TREH: variants seen among roughly 807,000 people sequenced by gnomAD.
The protein encoded by TREH is trehalase, also known as alpha,alpha-trehalose glucohydrolase.
A neutral mutation model predicts 80.5 loss-of-function variants in TREH; 69 were observed. The observed-to-expected ratio is 0.86, with a 90% CI of 0.71 to 1.05. TREH has a LOEUF of 1.05. Ranked by LOEUF, TREH falls within the 50% of genes least tolerant of loss-of-function variation. TREH has a pLI of 0.00. For synonymous variants in TREH, 309 were observed against 293.5 expected (o/e 1.05, Z -0.54); for missense variants, 716 against 718.8 (o/e 1.00, Z 0.04).
chr11:118,661,357 G>A lies in TREH; in HGVS notation c.734+36C>T, dbSNP rs1390581039. On this transcript the variant is annotated intron_variant, in intron 7 of 14. Transcript: ENST00000264029. This position sits in a 1 kb window ranked among gnomAD's most constrained non-coding sequence, Gnocchi z 4.2. ...GCCCTGAGAGGTCTGAGGGATGGGT[G>A]GGTCTGCAGAGCAGCACAGGGAGGG... The A allele has an allele frequency of 2.5e-6, 4 of 1,613,782 alleles. No homozygotes were observed. The highest frequency in any genetic ancestry group is 3.3e-5 in the Admixed American group (2 of 60,008).
chr11:118,678,900 C>T (rs1949506249), intron 1 of TREH, among the ~76,000 whole-genome samples: 1 of 152,184 alleles, frequency 6.6e-6, no homozygotes, highest in Non-Finnish European at 1.5e-5. Context: ...TGTCTTCAGG[C>T]CCTTAGGCTG....
rs186780088 is a variant in TREH at position 118,659,446 on chromosome 11, C to T, written c.1356G>A (p.Pro452=). The change falls in exon 12 of 15, where the codon CCG becomes CCA. Residue 452 remains proline (P), a synonymous_variant. Coordinates refer to ENST00000264029, the MANE Select transcript of TREH (RefSeq NM_007180.3). Reference sequence around the variant, plus strand: ...GCTGGCCTGTCTTCTGGAGAGAGGTCGGGATCCCATACTGGTAAGTCAGGA... The same window carrying T: ...GCTGGCCTGTCTTCTGGAGAGAGGTTGGGATCCCATACTGGTAAGTCAGGA... ...NRILTYQYGI[P]TSLQKTGQQW... is the part of the protein sequence containing the mutation. The T allele has an allele frequency of 6.2e-4, 996 of 1,606,440 alleles. No homozygotes were observed. Among genetic ancestry groups the T allele is most frequent in the Non-Finnish European group, 7.6e-4 (896 of 1,176,110 alleles).
chr11:118,665,771 T>C (rs1949371698), intron 1 of TREH, among the ~76,000 whole-genome samples: 1 of 152,248 alleles, frequency 6.6e-6, no homozygotes, highest in African/African-American at 2.4e-5. Context: ...AATGCAGCTG[T>C]ATTGCCTAGT....
chr11:118,659,049 C>T (rs2137256717), intron 12 of TREH, 32 bp from the exon 13 acceptor site: 2 of 1,599,610 alleles, frequency 1.3e-6, no homozygotes, highest in Non-Finnish European at 1.7e-6. Context: ...ACTCAACCTC[C>T]AGGTCTCCCA....
At chr11:118,675,223 AC>A (rs1278013746) in intron 1 of TREH, among the ~76,000 whole-genome samples, 1 of 151,988 alleles carries the variant, frequency 6.6e-6, no homozygotes, top group African/African-American at 2.4e-5. Context: ...TCTTTTCCCA[AC>A]CCATATGTTT....
intron 1 of TREH, among the ~76,000 whole-genome samples, chr11:118,664,604 A>C (rs552996895): frequency 6.6e-6 from 1 of 152,370 alleles, no homozygotes; most frequent in South Asian, 2.1e-4. Context: ...TGGACCACCA[A>C]GTTACATTTC....
chr11:118,658,509 T>C (rs1949250985), intron 14 of TREH, 68 bp from the exon 15 acceptor site: 1 of 1,564,726 alleles, frequency 6.4e-7, no homozygotes, highest in Non-Finnish European at 8.7e-7. Flanking sequence ...GGCTGTGGGC[T>C]CTCTCCCCAG....
intron 4 of TREH, 89 bp from the exon 5 acceptor site, chr11:118,662,079 C>A: frequency 9.4e-7 from 1 of 1,067,934 alleles, no homozygotes; most frequent in South Asian, 1.4e-5. Context: ...CCCCGGGAGT[C>A]ACAGCTTTGG....
intron 1 of TREH, among the ~76,000 whole-genome samples, chr11:118,673,967 A>T (rs1555146578): frequency 6.6e-6 from 1 of 151,924 alleles, no homozygotes; most frequent in Admixed American, 6.6e-5. Flanking sequence ...GAATCTAACA[A>T]CTCTTTGAGT....
At chr11:118,665,810 T>G (rs1055143534) in intron 1 of TREH, among the ~76,000 whole-genome samples, 2 of 152,226 alleles carry the variant, frequency 1.3e-5, no homozygotes, top group Non-Finnish European at 2.9e-5. Context: ...GTTCCGCACC[T>G]TTGTAACTCT....
At position 118,658,672 on chromosome 11, in the gene TREH, CTGCT is replaced by C. The variant is rs1329104080; in HGVS notation, c.1599+4_1599+7del. On this transcript the variant is annotated splice_donor_5th_base_variant and intron_variant, in intron 14 of 14. Transcript: ENST00000264029. ...TGGTGTTGGCCAGCCCACCCCTGGC[CTGCT>C]CACCTGAACTTCATATTCTCCTCCC... 1.3e-6 allele frequency: 2 copies of C among 1,586,150 alleles called. No individual in the cohort carries two copies. The highest frequency in any genetic ancestry group is 1.7e-6 in the Non-Finnish European group (2 of 1,166,004).
Position 118,658,189 on chromosome 11 carries a change from G to C in TREH, c.*100C>G. ...TGCCCTCCACTTCGCTCTGAGGACA[G>C]GCTGGGAGGTAGGAGGGCATGAAGA... On this transcript the variant is annotated 3_prime_UTR_variant, in exon 15 of 15. Transcript: ENST00000264029. 1 of 1,467,674 alleles carries C rather than the reference G, an allele frequency of 6.8e-7. No homozygotes were observed. The highest frequency in any genetic ancestry group is 9.2e-7 in the Non-Finnish European group (1 of 1,091,348). The allele number at this position is 1,467,674 out of a possible 1,614,324, so 90.9% of individuals were successfully genotyped here. A position where few individuals can be genotyped will look rare whatever the true frequency, so the allele number is the denominator to read the frequency against.
At chr11:118,664,803 C>T (rs565282422) in intron 1 of TREH, among the ~76,000 whole-genome samples, 5 of 152,276 alleles carry the variant, frequency 3.3e-5, no homozygotes, top group African/African-American at 1.2e-4. Flanking sequence ...GGGTGGCTTA[C>T]ATACCTTCAA....
In TREH at chr11:118,674,526, A is replaced by G. The variant is rs1949459031; in HGVS notation, c.89+5013T>C. ...CTCCACATAAAACCTGTTCAAGCGC[A>G]TACCACTTTTTTGTTTTGTTTTGTT... is the stretch of plus-strand genomic sequence containing the variant. On this transcript the variant is annotated intron_variant, in intron 1 of 14. Coordinates refer to ENST00000264029, the MANE Select transcript of TREH (RefSeq NM_007180.3). The surrounding 1 kb of genome is among the most constrained non-coding windows in gnomAD (Gnocchi z 4.4). Among the ~76,000 whole-genome samples the G allele has an allele frequency of 6.6e-6, 1 of 152,122 alleles. No homozygotes were observed.
Position 118,679,526 on chromosome 11 carries a change from C to A in TREH, c.89+13G>T, listed in dbSNP as rs1949513331. ...ATTGCCATCCTCCCCTGCTGCCTTC[C>A]CCACACCCCTACCTCTCACAGGGTG... On this transcript the variant is annotated intron_variant, in intron 1 of 14. Coordinates refer to ENST00000264029, the MANE Select transcript of TREH (RefSeq NM_007180.3). The A allele has an allele frequency of 4.7e-6, 7 of 1,479,766 alleles. No homozygotes were observed. The highest frequency in any genetic ancestry group is 1.4e-5 in the African/African-American group (1 of 70,810). 91.7% of individuals were successfully genotyped at this position (1,479,766 alleles called of 1,614,324 possible).
rs781842048 is a variant in TREH, at chr11:118,679,601, G to A, written c.27C>T (p.Cys9=). The A allele has an allele frequency of 6.4e-7, 1 of 1,551,126 alleles. No individual in the cohort carries two copies. The highest frequency in any genetic ancestry group is 8.7e-7 in the Non-Finnish European group (1 of 1,145,202). The change falls in exon 1 of 15, where the codon TGC becomes TGT. Residue 9 remains cysteine, a synonymous_variant. Transcript: ENST00000264029. MPGRTWEL[C]LLLLLGLGLG... is the part of the protein sequence containing the mutation. ...GTCCCAGCCCCAGCAGCAGTAGCAG[G>A]CACAGCTCCCAGGTCCTCCCTGGCA...
At chr11:118,670,600 T>G (rs781936795) in intron 1 of TREH, among the ~76,000 whole-genome samples, 11 of 152,294 alleles carry the variant, frequency 7.2e-5, no homozygotes, top group Non-Finnish European at 1.6e-4. Context: ...TGCCAGTGCT[T>G]TATTATGGTA....
At chr11:118,663,265 C>CT (rs1949345418) in intron 2 of TREH, 69 bp from the exon 3 acceptor site, 2 of 1,564,606 alleles carry the variant, frequency 1.3e-6, no homozygotes, top group African/African-American at 2.7e-5. Context: ...AGGGGCCTCT[C>CT]TACTTGGTCT....
At chr11:118,660,811 C>T in intron 9 of TREH, 55 bp downstream of exon 9, 3 of 1,551,340 alleles carry the variant, frequency 1.9e-6, no homozygotes, top group Non-Finnish European at 2.6e-6. Flanking sequence ...GAGCCTGACA[C>T]AGCAGGTGTG....
Sources: gnomAD v4.1 joint callset for allele counts (sites outside exome capture counted in the v4.1 genomes callset) on GRCh38, gnomAD v4.1.1 for gene constraint, Gnocchi (gnomAD v3.1) non-coding constraint, MANE v1.5 for transcripts, NCBI Gene and HGNC (gene_info 2026-07-23, HGNC 2026-07-21) for gene names.